The following CRB1 variants were observed in gnomAD, a reference collection of about 807,000 sequenced individuals.
CRB1 encodes protein crumbs homolog 1.
In CRB1, 83 loss-of-function variants were observed where a neutral mutation model predicts 120.0. The ratio of observed to expected loss-of-function variants is 0.69; its 90% CI spans 0.58 to 0.83. The LOEUF (loss-of-function observed/expected upper bound fraction) is 0.83. Ranked by LOEUF, CRB1 falls within the 40% of genes least tolerant of loss-of-function variation. CRB1 has a pLI of 0.00. For missense variants in CRB1, 1,699 were observed against 1,687.6 expected, an observed-to-expected ratio of 1.01 and a Z score of -0.12; for synonymous variants, 625 against 612.5, an observed-to-expected ratio of 1.02 and a Z score of -0.30.
chr1:197,362,979 A>G (rs770175593), intron 5 of CRB1, among the ~76,000 whole-genome samples: 1 of 151,846 alleles, frequency 6.6e-6, no homozygotes. Context: ...TTAGTTGACT[A>G]TTTTTGGGAT....
intron 2 of CRB1, among the ~76,000 whole-genome samples, 185 bp from the exon 3 acceptor site, chr1:197,344,096 T>C (rs190562693): frequency 1.3e-3 from 202 of 152,366 alleles, no homozygotes; most frequent in African/African-American, 4.7e-3. Context: ...TAACAGCTGC[T>C]CTGCCTTGTG....
intron 11 of CRB1, among the ~76,000 whole-genome samples, chr1:197,452,124 C>CAG (rs1393019490): frequency 2.0e-5 from 3 of 152,042 alleles, no homozygotes; most frequent in South Asian, 4.2e-4. Context: ...ATCTAAAGCT[C>CAG]AGAGAGAGAG....
the CRB1 span, chr1:197,222,611 G>A: frequency 1.3e-6 from 1 of 772,734 alleles, no homozygotes; most frequent in Non-Finnish European, 2.4e-6. Flanking sequence ...AGGAAAGAGT[G>A]TATTTGGTAG....
At chr1:197,290,464 G>A (rs1157458521) in intron 1 of CRB1, among the ~76,000 whole-genome samples, 1 of 151,492 alleles carries the variant, frequency 6.6e-6, no homozygotes, top group Non-Finnish European at 1.5e-5. Context: ...TTATTTTTTA[G>A]GCCTTCTTTT....
chr1:197,223,105 T>C, the CRB1 span: 5 of 820,472 alleles, frequency 6.1e-6, no homozygotes, highest in South Asian at 6.7e-5. Flanking sequence ...CGTATAATTT[T>C]GAATATTCAG....
chr1:197,267,190 G>A (rs1654668744), upstream of CRB1, among the ~76,000 whole-genome samples: 1 of 152,054 alleles, frequency 6.6e-6, no homozygotes, highest in African/African-American at 2.4e-5. Context: ...TAATGCTTCT[G>A]TAATCTGAAA....
chr1:197,370,248 AC>A (rs1358921419), intron 5 of CRB1, among the ~76,000 whole-genome samples: 1 of 147,490 alleles, frequency 6.8e-6, no homozygotes. Context: ...ATGAAAAAAA[AC>A]CGCAAGGTAT....
chr1:197,412,643 C>A (rs1311162960), intron 5 of CRB1, among the ~76,000 whole-genome samples: 1 of 152,154 alleles, frequency 6.6e-6, no homozygotes, highest in East Asian at 1.9e-4. Flanking sequence ...AGATACATTT[C>A]CTCCTTTGGT....
At chr1:197,338,709 G>A (rs763075449) in intron 2 of CRB1, among the ~76,000 whole-genome samples, 4 of 152,040 alleles carry the variant, frequency 2.6e-5, no homozygotes, top group African/African-American at 4.8e-5. Context: ...AGCAAAACTT[G>A]TAGAAACAAA....
At chr1:197,288,297 CA>C (rs1655953834) in intron 1 of CRB1, among the ~76,000 whole-genome samples, 1 of 151,776 alleles carries the variant, frequency 6.6e-6, no homozygotes, top group Non-Finnish European at 1.5e-5. Flanking sequence ...GCCCAGTAGC[CA>C]GACTGAATAA....
At chr1:197,352,223 T>C (rs1453123369) in intron 4 of CRB1, among the ~76,000 whole-genome samples, 1 of 152,226 alleles carries the variant, frequency 6.6e-6, no homozygotes, top group African/African-American at 2.4e-5. Context: ...GAATACAGTC[T>C]TGACTGAAGG....
At chr1:197,328,137 A>G (rs573313121) in intron 1 of CRB1, among the ~76,000 whole-genome samples, 1 of 152,206 alleles carries the variant, frequency 6.6e-6, no homozygotes, top group Non-Finnish European at 1.5e-5. Flanking sequence ...TTCTCTGGGA[A>G]CTAAATTTCA....
At chr1:197,472,368 T>C (rs949841989) in intron 11 of CRB1, among the ~76,000 whole-genome samples, 2 of 152,206 alleles carry the variant, frequency 1.3e-5, no homozygotes, top group Admixed American at 6.5e-5. Flanking sequence ...ATACTTCTGT[T>C]GGTTTTATAA....
chr1:197,430,330 C>G (rs890871472), intron 8 of CRB1, among the ~76,000 whole-genome samples: 1 of 152,138 alleles, frequency 6.6e-6, no homozygotes, highest in Non-Finnish European at 1.5e-5. Flanking sequence ...GCACTGAATT[C>G]TAATTTCTTC....
chr1:197,419,615 G>C (rs1664182763), intron 5 of CRB1, among the ~76,000 whole-genome samples: 1 of 151,992 alleles, frequency 6.6e-6, no homozygotes, highest in Non-Finnish European at 1.5e-5. Flanking sequence ...CACCCAGCTA[G>C]GCCCCCTAAA....
rs546972010 is a variant in CRB1, at chr1:197,383,844, G to A, written c.1171+26831G>A. Among the ~76,000 whole-genome samples the A allele has an allele frequency of 9.2e-5, 14 of 152,200 alleles. No homozygotes were observed. In the East Asian group the frequency reaches 2.3e-3, roughly 25 times the overall value. On this transcript the variant is annotated intron_variant, in intron 5 of 11. Coordinates refer to ENST00000367400, the MANE Select transcript of CRB1 (RefSeq NM_201253.3). Reference sequence around the variant, plus strand: ...AGTTTAATTGGAACTATACCATTTAGTGTAAACTACCACAAGTCCTTTGGG... The same window carrying A: ...AGTTTAATTGGAACTATACCATTTAATGTAAACTACCACAAGTCCTTTGGG...
intron 6 of CRB1, among the ~76,000 whole-genome samples, chr1:197,424,405 C>A (rs373138923): frequency 1.3e-5 from 2 of 152,128 alleles, no homozygotes; most frequent in African/African-American, 2.4e-5. Flanking sequence ...AAAAGTATCT[C>A]GAGCCATCTA....
At chr1:197,297,312 C>G (rs1438638047) in intron 1 of CRB1, among the ~76,000 whole-genome samples, 1 of 151,930 alleles carries the variant, frequency 6.6e-6, no homozygotes, top group Non-Finnish European at 1.5e-5. Flanking sequence ...TTAAATTGTG[C>G]TATTATACAT....
intron 2 of CRB1, among the ~76,000 whole-genome samples, chr1:197,339,613 C>G (rs1012690853): frequency 1.3e-5 from 2 of 152,194 alleles, no homozygotes; most frequent in African/African-American, 4.8e-5. Flanking sequence ...TTGCTGCGTG[C>G]ATGGTGTGCT....
Sources: allele counts gnomAD v4.1 joint callset (sites outside exome capture counted in the v4.1 genomes callset), GRCh38; gene constraint gnomAD v4.1.1; transcripts MANE v1.5; gene names NCBI Gene and HGNC (gene_info 2026-07-23, HGNC 2026-07-21).